The following BACH2 variants were observed in gnomAD, a reference collection of about 807,000 sequenced individuals.
BACH2 encodes the protein transcription regulator protein BACH2.
BACH2 carries 5 observed loss-of-function variants against 61.8 expected under a neutral mutation model. The ratio of observed to expected loss-of-function variants is 0.08; its 90% CI spans 0.04 to 0.17. BACH2 has a LOEUF of 0.17. Among genes scored for constraint, BACH2 ranks in the 10% least tolerant of loss-of-function variants. BACH2 has a pLI of 1.00. For missense variants in BACH2, 824 were observed against 1,091.1 expected, an observed-to-expected ratio of 0.76 and a Z score of 3.45; for synonymous variants, 446 against 440.1, an observed-to-expected ratio of 1.01 and a Z score of -0.17.
chr6:89,940,114 G>A (rs1371803427), intron 7 of BACH2, among the ~76,000 whole-genome samples: 1 of 152,006 alleles, frequency 6.6e-6, no homozygotes, highest in Non-Finnish European at 1.5e-5. Context: ...TGGTTCAAGC[G>A]ATTCTCCTGC....
At chr6:90,295,656 T>G (rs189379580) in intron 1 of BACH2, among the ~76,000 whole-genome samples, 1,478 of 110,772 alleles carry the variant, frequency 0.013, 10 homozygotes, top group Middle Eastern at 0.019. Flanking sequence ...GAGTGTAGGG[T>G]GTGTGTGTGT....
chr6:90,135,727 C>A (rs988268487), intron 4 of BACH2, among the ~76,000 whole-genome samples: 1 of 152,152 alleles, frequency 6.6e-6, no homozygotes, highest in African/African-American at 2.4e-5. Flanking sequence ...AGAGCAGACC[C>A]TACTATGATC....
At chr6:89,976,338 T>G (rs1238473235) in intron 6 of BACH2, among the ~76,000 whole-genome samples, 1 of 152,228 alleles carries the variant, frequency 6.6e-6, no homozygotes, top group South Asian at 2.1e-4. Context: ...TTGCCTTCTA[T>G]CCTATTATTA....
rs1772573033 is a variant in BACH2, at chr6:89,930,322, T to C, written c.*2086A>G. On this transcript the variant is annotated 3_prime_UTR_variant, in exon 9 of 9. Coordinates refer to ENST00000257749, the MANE Select transcript of BACH2 (RefSeq NM_021813.4). ...TTTAAACATTTAGTGCTAATATTTG[T>C]ACAGAAAAAAGTTAATAATACTAAA... 1 of 151,258 alleles carries C rather than the reference T, an allele frequency of 6.6e-6. No individual in the cohort carries two copies. Among genetic ancestry groups the C allele is most frequent in the Non-Finnish European group, 1.5e-5 (1 of 67,906 alleles). 9.4% of individuals were successfully genotyped at this position (151,258 alleles called of 1,614,324 possible). A position where few individuals can be genotyped will look rare whatever the true frequency, so the allele number is the denominator to read the frequency against.
At chr6:90,168,176 T>C (rs1331420878) in intron 4 of BACH2, among the ~76,000 whole-genome samples, 1 of 151,982 alleles carries the variant, frequency 6.6e-6, no homozygotes, top group African/African-American at 2.4e-5. Context: ...CTGGGCAACA[T>C]AGTGAGACCC....
chr6:90,005,833 G>A (rs963623721), intron 6 of BACH2, among the ~76,000 whole-genome samples: 15 of 152,218 alleles, frequency 9.9e-5, no homozygotes, highest in Admixed American at 9.8e-4. Context: ...AGATACGTGA[G>A]CAACCAGAAT....
intron 5 of BACH2, among the ~76,000 whole-genome samples, chr6:90,085,394 G>A (rs1781891438): frequency 6.6e-6 from 1 of 152,098 alleles, no homozygotes; most frequent in Non-Finnish European, 1.5e-5. Flanking sequence ...CACAGCTCTG[G>A]GACTCTCTCT....
At chr6:89,958,954 T>G (rs1774578892) in intron 6 of BACH2, among the ~76,000 whole-genome samples, 1 of 152,112 alleles carries the variant, frequency 6.6e-6, no homozygotes, top group African/African-American at 2.4e-5. Context: ...GTTAGCCTCT[T>G]GTTCAGAGAT....
chr6:90,239,707 A>C (rs1770375358), intron 3 of BACH2, among the ~76,000 whole-genome samples: 1 of 151,076 alleles, frequency 6.6e-6, no homozygotes, highest in Non-Finnish European at 1.5e-5. Flanking sequence ...AGATTATGTT[A>C]TCTCTGAAGG....
intron 6 of BACH2, among the ~76,000 whole-genome samples, chr6:89,972,060 T>C (rs1336030429): frequency 6.6e-6 from 1 of 152,088 alleles, no homozygotes; most frequent in African/African-American, 2.4e-5. Flanking sequence ...AGAAATGAAA[T>C]GTGCAAAGAC....
intron 5 of BACH2, among the ~76,000 whole-genome samples, chr6:90,033,920 T>C (rs1779138193): frequency 6.6e-6 from 1 of 152,168 alleles, no homozygotes; most frequent in Non-Finnish European, 1.5e-5. Context: ...TAGGAATTCT[T>C]AGTTAGAATG....
chr6:90,250,775 CA>C (rs1470385243), intron 3 of BACH2, among the ~76,000 whole-genome samples: 1 of 152,046 alleles, frequency 6.6e-6, no homozygotes, highest in Non-Finnish European at 1.5e-5. Flanking sequence ...GTTATATACT[CA>C]AAAATGGTTA....
At chr6:90,040,923 A>G (rs1413596936) in intron 5 of BACH2, among the ~76,000 whole-genome samples, 1 of 152,230 alleles carries the variant, frequency 6.6e-6, no homozygotes, top group Admixed American at 6.5e-5. Flanking sequence ...ATCCATTAGT[A>G]CATAATGGGT....
intron 5 of BACH2, among the ~76,000 whole-genome samples, chr6:90,025,675 G>A (rs1054494315): frequency 2.0e-5 from 3 of 152,168 alleles, no homozygotes; most frequent in African/African-American, 7.2e-5. Flanking sequence ...TGTGAACAGT[G>A]ATTAGGAGGC....
intron 3 of BACH2, among the ~76,000 whole-genome samples, chr6:90,247,030 C>T (rs1770658311): frequency 6.6e-6 from 1 of 151,920 alleles, no homozygotes; most frequent in Non-Finnish European, 1.5e-5. Flanking sequence ...AAAAAAAAAC[C>T]TTCAAATGTC....
chr6:90,251,616 C>T lies in BACH2; in HGVS notation c.-275+897G>A, dbSNP rs368281902. 2.6e-5 allele frequency among the ~76,000 whole-genome samples: 4 copies of T among 152,166 alleles called. 1 individual carries two copies. In the South Asian group the frequency reaches 8.3e-4, roughly 32 times the overall value. ...TTTCAGAATTTTTTCCCTTAAAAAA[C>T]GTATGTGTCACCAGGGTATTTTGCC... On this transcript the variant is annotated intron_variant, in intron 3 of 8. Transcript: ENST00000257749.
At chr6:90,130,115 C>T (rs1032004849) in intron 4 of BACH2, among the ~76,000 whole-genome samples, 5 of 152,150 alleles carry the variant, frequency 3.3e-5, no homozygotes, top group Non-Finnish European at 5.9e-5. Context: ...ATGTGATCTG[C>T]CTGCTTTGCC....
intron 3 of BACH2, among the ~76,000 whole-genome samples, chr6:90,223,596 G>A (rs564099130): frequency 4.6e-5 from 7 of 151,990 alleles, no homozygotes; most frequent in Non-Finnish European, 1.0e-4. Context: ...AGCCTCCCAA[G>A]TAGCTGGGAC....
chr6:90,102,807 A>G (rs1782705435), intron 4 of BACH2, among the ~76,000 whole-genome samples: 1 of 128,212 alleles, frequency 7.8e-6, no homozygotes, highest in African/African-American at 3.0e-5. Flanking sequence ...TAATAATAAT[A>G]ATAATAATAA....
Sources: gnomAD v4.1 joint callset for allele counts (sites outside exome capture counted in the v4.1 genomes callset) on GRCh38, gnomAD v4.1.1 for gene constraint, MANE v1.5 for transcripts, NCBI Gene and HGNC (gene_info 2026-07-23, HGNC 2026-07-21) for gene names.